SLC25A21: variants seen among roughly 807,000 people sequenced by gnomAD.
SLC25A21 encodes solute carrier family 25 member 21.
SLC25A21 carries 47 observed loss-of-function variants against 43.8 expected under a neutral mutation model. The ratio of observed to expected loss-of-function variants is 1.07; its 90% CI spans 0.85 to 1.37. The LOEUF (loss-of-function observed/expected upper bound fraction) is 1.37. Among genes scored for constraint, SLC25A21 ranks in the 40% most tolerant of loss-of-function variants. The pLI, the probability that SLC25A21 is intolerant of heterozygous loss-of-function variation, is 0.00. For missense variants in SLC25A21, 352 were observed against 350.2 expected (o/e 1.00, Z -0.04); for synonymous variants, 131 against 121.3 (o/e 1.08, Z -0.52).
intron 1 of SLC25A21, among the ~76,000 whole-genome samples, chr14:36,901,332 C>T (rs1045781610): frequency 2.6e-4 from 40 of 152,162 alleles, no homozygotes; most frequent in African/African-American, 9.6e-4. Context: ...GATAAGCCTT[C>T]CAAATAGTAG....
intron 1 of SLC25A21, among the ~76,000 whole-genome samples, chr14:37,098,778 CAGACAGACAGAT>C (rs1284976184): frequency 2.5e-4 from 29 of 115,438 alleles, no homozygotes; most frequent in African/African-American, 7.5e-4. Context: ...GACAGACAGA[CAGACAGACAGAT>C]AGATAGATAG....
chr14:36,932,880 G>T (rs1343966459), intron 1 of SLC25A21, among the ~76,000 whole-genome samples: 1 of 151,890 alleles, frequency 6.6e-6, no homozygotes, highest in Non-Finnish European at 1.5e-5. Context: ...TTTATAAAAT[G>T]GGAATAATAA....
chr14:36,818,810 C>T (rs1037968302), intron 2 of SLC25A21, among the ~76,000 whole-genome samples: 32 of 152,200 alleles, frequency 2.1e-4, no homozygotes, highest in African/African-American at 7.5e-4. Context: ...AAAGGTTTCT[C>T]TCTTGGATTG....
rs547057570 is a variant in SLC25A21, at chr14:36,916,350, T to C, written c.71-41346A>G. On this transcript the variant is annotated intron_variant, in intron 1 of 9. Transcript: ENST00000331299. ...CTTTGTCTTCTCAAAACTAATTTAT[T>C]TTAGACCTGACTATCAGGGAGAATA... Among the ~76,000 whole-genome samples the C allele has an allele frequency of 3.0e-3, 453 of 152,278 alleles. 7 individuals are homozygous for C. Among genetic ancestry groups the C allele is most frequent in the African/African-American group, 8.6e-3 (359 of 41,556 alleles).
chr14:36,700,358 A>G (rs1013817980), intron 7 of SLC25A21, among the ~76,000 whole-genome samples: 1 of 152,176 alleles, frequency 6.6e-6, no homozygotes, highest in Non-Finnish European at 1.5e-5. Flanking sequence ...TCTGCATTTG[A>G]TCAATGAAAA....
intron 1 of SLC25A21, among the ~76,000 whole-genome samples, chr14:36,972,786 T>C (rs572362098): frequency 1.4e-4 from 21 of 152,196 alleles, no homozygotes; most frequent in African/African-American, 4.6e-4. Flanking sequence ...AATAGAAGAA[T>C]AAATTAGAGT....
intron 1 of SLC25A21, among the ~76,000 whole-genome samples, chr14:37,088,857 T>G (rs1434034314): frequency 6.6e-6 from 1 of 152,206 alleles, no homozygotes; most frequent in Admixed American, 6.5e-5. Context: ...CTAACCAGCA[T>G]TATTTCTTTC....
At chr14:36,698,195 A>T (rs142709954) in intron 7 of SLC25A21, among the ~76,000 whole-genome samples, 1 of 152,114 alleles carries the variant, frequency 6.6e-6, no homozygotes, top group Non-Finnish European at 1.5e-5. Flanking sequence ...CTGGATATGA[A>T]ATTCTGGGTT....
At chr14:37,026,962 A>C (rs537962931) in intron 1 of SLC25A21, among the ~76,000 whole-genome samples, 20 of 152,260 alleles carry the variant, frequency 1.3e-4, no homozygotes, top group Non-Finnish European at 2.5e-4. Flanking sequence ...AGGAGAAAAA[A>C]CGGTGCTAAC....
intron 1 of SLC25A21, among the ~76,000 whole-genome samples, chr14:37,054,712 A>G (rs1244045299): frequency 3.4e-5 from 4 of 117,744 alleles, no homozygotes; most frequent in Non-Finnish European, 5.0e-5. Context: ...TGGAAAATAG[A>G]ACTAAAAAAA....
chr14:36,886,361 T>C (rs900958568), intron 1 of SLC25A21, among the ~76,000 whole-genome samples: 1 of 152,220 alleles, frequency 6.6e-6, no homozygotes, highest in African/African-American at 2.4e-5. Context: ...TTAAAAGTTA[T>C]GCGTTTGAGC....
At chr14:36,901,135 A>T (rs1268963659) in intron 1 of SLC25A21, among the ~76,000 whole-genome samples, 1 of 152,204 alleles carries the variant, frequency 6.6e-6, no homozygotes, top group Non-Finnish European at 1.5e-5. Context: ...TAGAGCTGGA[A>T]AGAGGGAGAA....
chr14:36,830,931 C>T (rs56820541), intron 2 of SLC25A21, among the ~76,000 whole-genome samples: 3,115 of 152,296 alleles, frequency 0.02, 104 homozygotes, highest in African/African-American at 0.07. Flanking sequence ...AAACCCAGCA[C>T]ACACACTTGC....
intron 1 of SLC25A21, among the ~76,000 whole-genome samples, chr14:37,033,533 G>C (rs1243597553): frequency 6.6e-6 from 1 of 152,154 alleles, no homozygotes; most frequent in Non-Finnish European, 1.5e-5. Flanking sequence ...TTATCAACTT[G>C]ATATCCATCC....
intron 1 of SLC25A21, among the ~76,000 whole-genome samples, chr14:36,938,358 G>A (rs890977103): frequency 6.6e-6 from 1 of 152,112 alleles, no homozygotes; most frequent in Non-Finnish European, 1.5e-5. Context: ...ATTAGGTGGA[G>A]TTCACTCATT....
At chr14:36,737,693 T>C (rs913380825) in intron 3 of SLC25A21, among the ~76,000 whole-genome samples, 1 of 152,200 alleles carries the variant, frequency 6.6e-6, no homozygotes, top group Non-Finnish European at 1.5e-5. Context: ...TGATACAATA[T>C]GATACAGGGT....
chr14:37,152,920 A>G (rs1302473924), intron 1 of SLC25A21, among the ~76,000 whole-genome samples: 3 of 152,160 alleles, frequency 2.0e-5, no homozygotes, highest in African/African-American at 7.2e-5. Flanking sequence ...CACTTCAAAT[A>G]CGTTATCCAA....
intron 1 of SLC25A21, among the ~76,000 whole-genome samples, chr14:37,045,712 G>C (rs926661402): frequency 6.6e-6 from 1 of 152,146 alleles, no homozygotes; most frequent in Non-Finnish European, 1.5e-5. Context: ...CATCCTGATC[G>C]GGGTCTAGCA....
chr14:36,746,662 C>T (rs1594547735), intron 3 of SLC25A21, among the ~76,000 whole-genome samples: 1 of 152,272 alleles, frequency 6.6e-6, no homozygotes, highest in East Asian at 1.9e-4. Flanking sequence ...ATTCCTTGCT[C>T]CATTCTGATC....
Sources: gnomAD v4.1 joint callset for allele counts (sites outside exome capture counted in the v4.1 genomes callset) on GRCh38, gnomAD v4.1.1 for gene constraint, MANE v1.5 for transcripts, NCBI Gene and HGNC (gene_info 2026-07-23, HGNC 2026-07-21) for gene names.